GRIN2A: variants seen among roughly 807,000 people sequenced by gnomAD.
GRIN2A encodes glutamate ionotropic receptor NMDA type subunit 2A, also known as glutamate receptor ionotropic, NMDA 2A.
In GRIN2A, 22 loss-of-function variants were observed where a neutral mutation model predicts 113.4. The ratio of observed to expected loss-of-function variants is 0.19; its 90% CI spans 0.14 to 0.28. GRIN2A has a LOEUF of 0.28. GRIN2A is among the 10% of genes least tolerant of loss of function. The pLI is 1.00. For missense variants in GRIN2A, 1,502 were observed against 1,887.0 expected, an observed-to-expected ratio of 0.80 and a Z score of 3.78; for synonymous variants, 827 against 738.4, an observed-to-expected ratio of 1.12 and a Z score of -1.94.
At chr16:10,037,903 A>G (rs1233208723) in intron 2 of GRIN2A, among the ~76,000 whole-genome samples, 2 of 152,102 alleles carry the variant, frequency 1.3e-5, no homozygotes, top group African/African-American at 4.8e-5. Flanking sequence ...ACAGGCATGA[A>G]TCATTGTGCC....
intron 2 of GRIN2A, chr16:10,111,404 GCGGCAC>G (rs2048611343): frequency 2.0e-6 from 1 of 508,716 alleles, no homozygotes; most frequent in Admixed American, 2.9e-5. Flanking sequence ...CTGATCAGTG[GCGGCAC>G]CGGCTACGTG....
At chr16:10,004,172 C>G (rs1484488419) in intron 2 of GRIN2A, among the ~76,000 whole-genome samples, 3 of 151,904 alleles carry the variant, frequency 2.0e-5, no homozygotes, top group African/African-American at 7.3e-5. Flanking sequence ...GGGCACATCA[C>G]GAAGTCAGGA....
intron 2 of GRIN2A, among the ~76,000 whole-genome samples, chr16:9,989,304 C>G (rs1456972857): frequency 6.6e-6 from 1 of 152,108 alleles, no homozygotes; most frequent in Admixed American, 6.5e-5. Context: ...AACCCCCATC[C>G]AATAAATGGT....
chr16:9,767,909 T>C (rs1459773440), intron 12 of GRIN2A, among the ~76,000 whole-genome samples: 2 of 152,250 alleles, frequency 1.3e-5, no homozygotes, highest in African/African-American at 2.4e-5. Context: ...TTTGTTTTGT[T>C]GGGCATGTTC....
chr16:9,854,553 A>G (rs2042936785), intron 4 of GRIN2A, among the ~76,000 whole-genome samples: 1 of 152,116 alleles, frequency 6.6e-6, no homozygotes, highest in African/African-American at 2.4e-5. Flanking sequence ...TATATCCAAA[A>G]TGGAAGGACC....
intron 2 of GRIN2A, among the ~76,000 whole-genome samples, chr16:10,165,683 AGGGG>A (rs2049902843): frequency 2.0e-5 from 2 of 102,036 alleles, no homozygotes; most frequent in African/African-American, 7.6e-5. Context: ...AGGAGAGGGG[AGGGG>A]AGGGGAGGGG....
chr16:9,820,362 A>G (rs1031832710), intron 10 of GRIN2A, among the ~76,000 whole-genome samples: 16 of 152,226 alleles, frequency 1.1e-4, no homozygotes, highest in African/African-American at 3.9e-4. Context: ...GCTAAACTGT[A>G]AAGTCATCAA....
At chr16:10,150,605 C>T (rs1298145279) in intron 2 of GRIN2A, among the ~76,000 whole-genome samples, 2 of 152,270 alleles carry the variant, frequency 1.3e-5, no homozygotes, top group African/African-American at 4.8e-5. Flanking sequence ...ATTCCCCAGA[C>T]ATGGCAAGCC....
intron 2 of GRIN2A, among the ~76,000 whole-genome samples, chr16:10,128,287 G>C (rs1362239837): frequency 6.6e-6 from 1 of 152,146 alleles, no homozygotes; most frequent in Non-Finnish European, 1.5e-5. Flanking sequence ...AGCGAGTTTT[G>C]TGAGTTTCCA....
At chr16:9,847,680 ATG>A in intron 5 of GRIN2A, among the ~76,000 whole-genome samples, 1 of 147,920 alleles carries the variant, frequency 6.8e-6, no homozygotes, top group Middle Eastern at 3.5e-3. Context: ...ATAAAAATAT[ATG>A]TTTTATATTT....
Position 9,937,870 on chromosome 16 carries a change from G to A in GRIN2A, c.1007+89C>T, listed in dbSNP as rs564940363. The stretch of plus-strand genomic sequence containing the variant: ...ACATAACATTCTGCATTTTCAGTGC[G>A]TATTTCCAACAATGAGTATGTAAGC... On this transcript the variant is annotated intron_variant, in intron 3 of 12. Transcript: ENST00000330684. The A allele has an allele frequency of 7.5e-4, 672 of 891,582 alleles. 9 individuals carry two copies. The South Asian group carries it at 8.6e-3, about 11-fold the overall frequency. 55.2% of individuals were successfully genotyped at this position (891,582 alleles called of 1,614,324 possible).
intron 2 of GRIN2A, among the ~76,000 whole-genome samples, chr16:10,013,017 C>T (rs535565830): frequency 7.2e-5 from 11 of 151,956 alleles, no homozygotes; most frequent in Admixed American, 2.6e-4. Flanking sequence ...GGGTGGGAGG[C>T]GGTAGAGGAG....
chr16:10,161,620 T>C (rs1371246211), intron 2 of GRIN2A, among the ~76,000 whole-genome samples: 1 of 152,214 alleles, frequency 6.6e-6, no homozygotes, highest in African/African-American at 2.4e-5. Context: ...ATTGGCTTCC[T>C]ATTGCTGTTC....
chr16:10,106,059 C>T (rs3948098), intron 2 of GRIN2A, among the ~76,000 whole-genome samples: 54,306 of 151,986 alleles, frequency 0.36, 9,944 homozygotes, highest in East Asian at 0.45. Flanking sequence ...TTTGCAAAGC[C>T]ACCTTTTGTG....
In GRIN2A at chr16:10,180,549, C is replaced by A; in HGVS notation, c.-18-120G>T. On this transcript the variant is annotated intron_variant, in intron 1 of 12. Transcript: ENST00000330684. The surrounding 1 kb of genome is among the most constrained non-coding windows in gnomAD (Gnocchi z 7.0). ...TGGAACTCAGCAGCAGGATAGGCTG[C>A]TGGGATCACGGACTCCATTCCGAGT... The A allele has an allele frequency of 1.3e-6, 2 of 1,499,704 alleles. No individual in the cohort carries two copies. Among genetic ancestry groups the A allele is most frequent in the Non-Finnish European group, 1.8e-6 (2 of 1,129,246 alleles). 92.9% of individuals were successfully genotyped at this position (1,499,704 alleles called of 1,614,324 possible). A position where few individuals can be genotyped will look rare whatever the true frequency, so the allele number is the denominator to read the frequency against.
intron 2 of GRIN2A, among the ~76,000 whole-genome samples, chr16:10,113,078 C>G (rs1001900038): frequency 1.3e-5 from 2 of 149,506 alleles, no homozygotes; most frequent in East Asian, 4.1e-4. Context: ...CGGGCCTGCT[C>G]CCTGGGCCAG....
At chr16:9,850,740 C>T (rs2042868846) in intron 4 of GRIN2A, among the ~76,000 whole-genome samples, 1 of 152,246 alleles carries the variant, frequency 6.6e-6, no homozygotes, top group East Asian at 1.9e-4. Flanking sequence ...GGGAGACTGT[C>T]ACTGCTTAGC....
intron 3 of GRIN2A, among the ~76,000 whole-genome samples, chr16:9,933,815 T>C (rs2044651857): frequency 6.6e-6 from 1 of 152,190 alleles, no homozygotes; most frequent in South Asian, 2.1e-4. Context: ...ATATCATCAA[T>C]AAAATAAATG....
At chr16:9,798,555 ACTTT>A in intron 10 of GRIN2A, 91 bp from the exon 11 acceptor site, 2 of 893,622 alleles carry the variant, frequency 2.2e-6, no homozygotes, top group Admixed American at 1.9e-5. Flanking sequence ...AGCATCCCAC[ACTTT>A]CTTTCATGCT....
Sources: allele counts gnomAD v4.1 joint callset (sites outside exome capture counted in the v4.1 genomes callset), GRCh38; gene constraint gnomAD v4.1.1; non-coding constraint Gnocchi (gnomAD v3.1); transcripts MANE v1.5; gene names NCBI Gene and HGNC (gene_info 2026-07-23, HGNC 2026-07-21).